NFXL1: variants seen among roughly 807,000 people sequenced by gnomAD.
NFXL1 encodes the protein nuclear transcription factor, X-box binding like 1.
Under a neutral mutation model 123.3 loss-of-function variants are expected in NFXL1, and 66 were observed. The ratio of observed to expected loss-of-function variants is 0.54; its 90% CI spans 0.44 to 0.66. NFXL1 has a LOEUF of 0.66. Among genes scored for constraint, NFXL1 ranks in the 30% least tolerant of loss-of-function variants. The pLI, the probability that NFXL1 is intolerant of heterozygous loss-of-function variation, is 0.00. For missense variants in NFXL1, 944 were observed against 1,125.6 expected (o/e 0.84, Z 2.31); for synonymous variants, 346 against 360.8 (o/e 0.96, Z 0.46).
intron 15 of NFXL1, among the ~76,000 whole-genome samples, chr4:47,880,148 C>T (rs1389558988): frequency 6.6e-6 from 1 of 152,036 alleles, no homozygotes; most frequent in African/African-American, 2.4e-5. Flanking sequence ...GTAATCCCTA[C>T]ACTTTAGGAG....
intron 12 of NFXL1, among the ~76,000 whole-genome samples, chr4:47,887,216 T>C (rs899127621): frequency 1.3e-5 from 2 of 152,028 alleles, no homozygotes; most frequent in East Asian, 1.9e-4. Flanking sequence ...CTATCAGAAA[T>C]GAAATAATAA....
rs1453392615 is a variant in NFXL1, at chr4:47,894,199, T to C, written c.1433A>G (p.Lys478Arg). The change falls in exon 11 of 23, where the codon AAG (lysine) becomes AGG (arginine). Residue 478 changes from lysine (K) to arginine (R), a missense_variant. By Grantham distance (26) the Lys-to-Arg change is conservative (BLOSUM62 2). Coordinates refer to ENST00000507489, the MANE Select transcript of NFXL1 (RefSeq NM_001278624.2). Reference sequence around the variant, plus strand: ...ACAAACCTTTCTTCTACATTGATGCTTCTGACAGTCACGCATCTTAACACA... The same window carrying C: ...ACAAACCTTTCTTCTACATTGATGCCTCTGACAGTCACGCATCTTAACACA... ...TKCVKMRDCQ[K>R]HQCRRKCCPG... The C allele has an allele frequency of 6.2e-7, 1 of 1,604,576 alleles. No homozygotes were observed. The highest frequency in any genetic ancestry group is 8.5e-7 in the Non-Finnish European group (1 of 1,175,220).
At chr4:47,901,807 G>A (rs953624724) in intron 5 of NFXL1, among the ~76,000 whole-genome samples, 1 of 152,158 alleles carries the variant, frequency 6.6e-6, no homozygotes, top group Admixed American at 6.5e-5. Context: ...GGTAACAGGA[G>A]AATAAAATCT....
At chr4:47,872,870 T>C (rs1369029008) in intron 18 of NFXL1, among the ~76,000 whole-genome samples, 1 of 152,206 alleles carries the variant, frequency 6.6e-6, no homozygotes, top group Non-Finnish European at 1.5e-5. Flanking sequence ...GTTTGCTGCA[T>C]CAATTGACTC....
At chr4:47,875,933 T>C (rs530558230) in intron 17 of NFXL1, among the ~76,000 whole-genome samples, 2 of 152,316 alleles carry the variant, frequency 1.3e-5, no homozygotes, top group Admixed American at 6.5e-5. Context: ...ACTAGCATTA[T>C]AATCTACTAA....
intron 11 of NFXL1, among the ~76,000 whole-genome samples, chr4:47,891,114 C>CTTTT (rs374093120): frequency 2.9e-5 from 4 of 139,994 alleles, no homozygotes; most frequent in Non-Finnish European, 1.5e-5. Context: ...TTCTTTTTTT[C>CTTTT]TTTTTTTTTT....
At chr4:47,912,161 C>T (rs1737856566) in intron 2 of NFXL1, among the ~76,000 whole-genome samples, 1 of 152,084 alleles carries the variant, frequency 6.6e-6, no homozygotes, top group African/African-American at 2.4e-5. Flanking sequence ...ATCATGCTTA[C>T]CTAGCAAGCT....
intron 21 of NFXL1, 56 bp downstream of exon 21, chr4:47,851,800 C>A: frequency 1.7e-6 from 2 of 1,162,486 alleles, no homozygotes; most frequent in Non-Finnish European, 2.5e-6. Context: ...CATAAATGCA[C>A]AAAATAAGAA....
intron 4 of NFXL1, among the ~76,000 whole-genome samples, chr4:47,904,782 A>C (rs1488073047): frequency 6.6e-6 from 1 of 152,172 alleles, no homozygotes; most frequent in East Asian, 1.9e-4. Context: ...TTTTGTCTGA[A>C]TCTCTCTCCC....
chr4:47,910,363 T>C (rs915913256), intron 3 of NFXL1, among the ~76,000 whole-genome samples: 6 of 151,416 alleles, frequency 4.0e-5, no homozygotes, highest in Non-Finnish European at 8.8e-5. Context: ...AATAAATACA[T>C]GAAAATCAGA....
chr4:47,911,595 CA>C (rs1029321412), intron 2 of NFXL1, among the ~76,000 whole-genome samples: 1 of 152,058 alleles, frequency 6.6e-6, no homozygotes, highest in African/African-American at 2.4e-5. Context: ...TGTGGTCACA[CA>C]AAAAAACATA....
chr4:47,900,112 C>T (rs1184201427), intron 5 of NFXL1, among the ~76,000 whole-genome samples: 1 of 151,972 alleles, frequency 6.6e-6, no homozygotes, highest in Non-Finnish European at 1.5e-5. Flanking sequence ...CATGCAATAC[C>T]GCAAGAAACA....
At chr4:47,897,291 G>A (rs960481783) in intron 9 of NFXL1, among the ~76,000 whole-genome samples, 1 of 152,070 alleles carries the variant, frequency 6.6e-6, no homozygotes, top group Non-Finnish European at 1.5e-5. Context: ...CAGCCTGGGC[G>A]ACAGGATAAA....
intron 11 of NFXL1, among the ~76,000 whole-genome samples, chr4:47,891,954 C>T (rs901471191): frequency 4.0e-5 from 6 of 151,434 alleles, no homozygotes; most frequent in African/African-American, 9.7e-5. Flanking sequence ...AAAAAAGAGG[C>T]AATATAGTTT....
At chr4:47,900,213 T>C (rs1042574325) in intron 5 of NFXL1, among the ~76,000 whole-genome samples, 4 of 152,160 alleles carry the variant, frequency 2.6e-5, no homozygotes, top group African/African-American at 9.7e-5. Context: ...TATAATTCTT[T>C]TTTTTTTCTT....
intron 18 of NFXL1, among the ~76,000 whole-genome samples, chr4:47,870,245 A>C (rs1735350815): frequency 6.6e-6 from 1 of 152,236 alleles, no homozygotes; most frequent in Non-Finnish European, 1.5e-5. Context: ...AAATTTAAAA[A>C]TTATAGACTA....
intron 4 of NFXL1, 81 bp downstream of exon 4, chr4:47,905,156 A>G (rs985466831): frequency 2.0e-5 from 11 of 560,854 alleles, no homozygotes; most frequent in Non-Finnish European, 3.2e-5. Context: ...TAAACAAAAG[A>G]ATAATAAATC....
intron 18 of NFXL1, among the ~76,000 whole-genome samples, chr4:47,872,631 T>C (rs1322801299): frequency 6.6e-6 from 1 of 152,182 alleles, no homozygotes; most frequent in Non-Finnish European, 1.5e-5. Context: ...GTTTACACAA[T>C]ACTGCAATAT....
At chr4:47,857,426 G>C (rs1734475648) in intron 19 of NFXL1, among the ~76,000 whole-genome samples, 1 of 152,154 alleles carries the variant, frequency 6.6e-6, no homozygotes, top group Non-Finnish European at 1.5e-5. Flanking sequence ...CATGGCTATA[G>C]TGTCGCCTTT....
Sources: allele counts gnomAD v4.1 joint callset (sites outside exome capture counted in the v4.1 genomes callset), GRCh38; gene constraint gnomAD v4.1.1; transcripts MANE v1.5; gene names NCBI Gene and HGNC (gene_info 2026-07-23, HGNC 2026-07-21).